Variants in FHIT observed in about 807,000 individuals in gnomAD.
FHIT encodes the protein bis(5'-adenosyl)-triphosphatase.
In FHIT, 19 loss-of-function variants were observed where a neutral mutation model predicts 17.9. The ratio of observed to expected loss-of-function variants is 1.06; its 90% CI spans 0.74 to 1.56. FHIT has a LOEUF of 1.56. Among genes scored for constraint, FHIT ranks in the 40% most tolerant of loss-of-function variants. The pLI, the probability that FHIT is intolerant of heterozygous loss-of-function variation, is 0.00. For synonymous variants in FHIT, 81 were observed against 69.7 expected, an observed-to-expected ratio of 1.16 and a Z score of -0.81; for missense variants, 248 against 189.2, an observed-to-expected ratio of 1.31 and a Z score of -1.82.
At chr3:60,679,603 T>A (rs1716729) in intron 4 of FHIT, among the ~76,000 whole-genome samples, 136,492 of 152,102 alleles carry the variant, frequency 0.9, 61,309 homozygotes, top group Non-Finnish European at 0.91. Context: ...ACAATTTCAC[T>A]GTTTACTGAC....
At chr3:60,437,118 A>G (rs2030341706) in intron 5 of FHIT, among the ~76,000 whole-genome samples, 1 of 152,272 alleles carries the variant, frequency 6.6e-6, no homozygotes, top group Non-Finnish European at 1.5e-5. Flanking sequence ...AACTTTCTGG[A>G]AATTCTGCAA....
intron 2 of FHIT, among the ~76,000 whole-genome samples, chr3:61,066,637 C>G (rs929439752): frequency 1.3e-5 from 2 of 152,000 alleles, no homozygotes; most frequent in Admixed American, 1.3e-4. Context: ...AACAAACAAA[C>G]AAGAAAACAG....
chr3:60,075,316 C>T (rs1241273490), intron 5 of FHIT, among the ~76,000 whole-genome samples: 1 of 152,008 alleles, frequency 6.6e-6, no homozygotes, highest in Non-Finnish European at 1.5e-5. Flanking sequence ...TGTGACAGTA[C>T]AGTTCCTCAG....
chr3:60,990,951 A>G (rs760467332), intron 3 of FHIT, among the ~76,000 whole-genome samples: 2 of 152,330 alleles, frequency 1.3e-5, no homozygotes, highest in East Asian at 3.9e-4. Flanking sequence ...AGCGCCAGGT[A>G]CTTTTCTAGA....
At chr3:61,137,204 CT>C (rs890556363) in intron 2 of FHIT, among the ~76,000 whole-genome samples, 10 of 151,178 alleles carry the variant, frequency 6.6e-5, no homozygotes, top group African/African-American at 2.2e-4. Flanking sequence ...CTGCTCCTTC[CT>C]TCTTCCCCAT....
chr3:60,373,817 C>G (rs1013248452), intron 5 of FHIT, among the ~76,000 whole-genome samples: 1 of 152,128 alleles, frequency 6.6e-6, no homozygotes, highest in Non-Finnish European at 1.5e-5. Flanking sequence ...ACTTCTGGTT[C>G]AAACAGCTCT....
intron 8 of FHIT, among the ~76,000 whole-genome samples, chr3:59,862,076 T>C (rs1702430919): frequency 6.6e-6 from 1 of 151,614 alleles, no homozygotes; most frequent in Admixed American, 6.6e-5. Flanking sequence ...AAAGCAAAAC[T>C]GTACTAGTTC....
chr3:60,089,167 G>C (rs1462669027), intron 5 of FHIT, among the ~76,000 whole-genome samples: 1 of 152,172 alleles, frequency 6.6e-6, no homozygotes, highest in African/African-American at 2.4e-5. Context: ...GATGTGGAGG[G>C]AACACTCCAA....
intron 4 of FHIT, among the ~76,000 whole-genome samples, chr3:60,791,586 A>G (rs1280190575): frequency 6.6e-6 from 1 of 152,220 alleles, no homozygotes; most frequent in African/African-American, 2.4e-5. Flanking sequence ...ACAAAGCATC[A>G]TTCCAGCTGT....
chr3:61,055,430 T>TAA (rs956912649), intron 2 of FHIT, among the ~76,000 whole-genome samples: 1 of 152,228 alleles, frequency 6.6e-6, no homozygotes, highest in African/African-American at 2.4e-5. Flanking sequence ...ACTGTAGTGT[T>TAA]AACATCAGGT....
intron 3 of FHIT, among the ~76,000 whole-genome samples, chr3:60,837,011 G>C (rs1360981281): frequency 6.6e-6 from 1 of 152,092 alleles, no homozygotes; most frequent in Non-Finnish European, 1.5e-5. Context: ...TCAGGACTTT[G>C]AATGCTTTAA....
chr3:61,067,156 T>C lies in FHIT; in HGVS notation c.-163-25057A>G, dbSNP rs188842749. ...TGAAATTAGGTGGGGATAGGGAATG[T>C]GGCACTGTGCACCTGCTACAAGAAA... On this transcript the variant is annotated intron_variant, in intron 2 of 9. Coordinates refer to ENST00000492590, the MANE Select transcript of FHIT (RefSeq NM_002012.4). Among the ~76,000 whole-genome samples, 184 of 152,284 alleles carry C rather than the reference T, an allele frequency of 1.2e-3. 1 individual carries two copies. The highest frequency in any genetic ancestry group is 4.0e-3 in the African/African-American group (168 of 41,558).
chr3:60,627,576 TGCAGTGGC>T (rs2039324024), intron 4 of FHIT, among the ~76,000 whole-genome samples: 1 of 152,068 alleles, frequency 6.6e-6, no homozygotes, highest in Non-Finnish European at 1.5e-5. Context: ...CAGGCTGGAG[TGCAGTGGC>T]GGGATCTAGG....
At chr3:59,910,824 G>C (rs1704835020) in intron 8 of FHIT, among the ~76,000 whole-genome samples, 1 of 152,070 alleles carries the variant, frequency 6.6e-6, no homozygotes, top group Non-Finnish European at 1.5e-5. Flanking sequence ...TCTAGCTTCA[G>C]TTCACTTGGC....
chr3:60,451,011 T>G (rs544146249), intron 5 of FHIT, among the ~76,000 whole-genome samples: 8 of 152,288 alleles, frequency 5.3e-5, no homozygotes, highest in Non-Finnish European at 1.2e-4. Context: ...ATTTTCAATT[T>G]GTATAATGAA....
At chr3:60,919,831 C>A (rs145960608) in intron 3 of FHIT, among the ~76,000 whole-genome samples, 5 of 151,984 alleles carry the variant, frequency 3.3e-5, no homozygotes, top group Admixed American at 3.3e-4. Context: ...GTCAGGAGAT[C>A]GAGACCATCC....
At chr3:60,694,677 A>G (rs2041073618) in intron 4 of FHIT, among the ~76,000 whole-genome samples, 1 of 152,230 alleles carries the variant, frequency 6.6e-6, no homozygotes, top group Non-Finnish European at 1.5e-5. Flanking sequence ...ATGTCCATCA[A>G]TGATAGACTG....
chr3:60,855,946 G>C (rs1703361967), intron 3 of FHIT, among the ~76,000 whole-genome samples: 1 of 152,162 alleles, frequency 6.6e-6, no homozygotes, highest in Admixed American at 6.6e-5. Flanking sequence ...GTTATGGAGT[G>C]TGAGAGTGTA....
chr3:60,763,661 T>C (rs1172217472), intron 4 of FHIT, among the ~76,000 whole-genome samples: 2 of 152,218 alleles, frequency 1.3e-5, no homozygotes, highest in Non-Finnish European at 2.9e-5. Context: ...TCTTTAATAA[T>C]GTATTGGCTA....
Sources: allele counts gnomAD v4.1 joint callset (sites outside exome capture counted in the v4.1 genomes callset), GRCh38; gene constraint gnomAD v4.1.1; transcripts MANE v1.5; gene names NCBI Gene and HGNC (gene_info 2026-07-23, HGNC 2026-07-21).